Variants in MMP26 observed in about 807,000 individuals in gnomAD.
The protein encoded by MMP26 is matrix metalloproteinase-26.
A neutral mutation model predicts 31.0 loss-of-function variants in MMP26; 33 were observed. The observed-to-expected ratio is 1.06, with a 90% CI of 0.81 to 1.42. The LOEUF is 1.42. Ranked by LOEUF, MMP26 falls within the 40% of genes most tolerant of loss-of-function variation. The probability of loss-of-function intolerance (pLI) is 0.00; values close to 1 mark genes in which losing one functional copy is unlikely to be tolerated. For missense variants in MMP26, 347 were observed against 316.1 expected (o/e 1.10, Z -0.74); for synonymous variants, 122 against 114.9 (o/e 1.06, Z -0.40).
At chr11:4,860,315 G>C (rs1441210334) in intron 2 of MMP26, 5 of 471,382 alleles carry the variant, frequency 1.1e-5, no homozygotes, top group South Asian at 7.7e-5. Context: ...TAGATGCTGA[G>C]CATGGAGGGC....
chr11:4,786,561 G>C (rs1312169697), intron 2 of MMP26, among the ~76,000 whole-genome samples: 4 of 134,314 alleles, frequency 3.0e-5, no homozygotes, highest in African/African-American at 8.5e-5. Context: ...GTAGGATTAT[G>C]AGTATGAGAA....
intron 2 of MMP26, chr11:4,914,495 G>T (rs1419244256): frequency 1.0e-5 from 5 of 501,288 alleles, no homozygotes; most frequent in Non-Finnish European, 1.1e-5. Context: ...TAGAATTATT[G>T]CTGTGGCTAT....
Position 4,987,156 on chromosome 11 carries a change from A to G in MMP26, c.-144-912A>G, listed in dbSNP as rs542244643. 3.9e-5 allele frequency among the ~76,000 whole-genome samples: 6 copies of G among 152,032 alleles called. No homozygotes were observed. The South Asian group carries it at 1.0e-3, about 26-fold the overall frequency. On this transcript the variant is annotated intron_variant, in intron 2 of 7. Transcript: ENST00000380390. ...CTCAGCCTCCCAAAGTGCTGGGATTACAGGTGTGAGCCACTGCACCCAGCC... is the reference window on the plus strand; with the variant it reads ...CTCAGCCTCCCAAAGTGCTGGGATTGCAGGTGTGAGCCACTGCACCCAGCC...
chr11:4,850,010 T>C (rs1039161375), intron 2 of MMP26, among the ~76,000 whole-genome samples: 1 of 152,206 alleles, frequency 6.6e-6, no homozygotes, highest in African/African-American at 2.4e-5. Context: ...TTCTGTCTAC[T>C]AGCTATTTTG....
chr11:4,718,585 C>T (rs184881005), intron 1 of MMP26: 10 of 154,048 alleles, frequency 6.5e-5, no homozygotes, highest in Admixed American at 4.6e-4. Context: ...AGACACTCAG[C>T]TTAAGATTCT....
chr11:4,974,261 A>G (rs371822233), intron 2 of MMP26, among the ~76,000 whole-genome samples: 1 of 152,038 alleles, frequency 6.6e-6, no homozygotes, highest in East Asian at 1.9e-4. Flanking sequence ...TCCTGCTTAT[A>G]AATTTGTTTA....
chr11:4,770,893 A>AGCTGTGTCGAATT (rs1373646496), intron 2 of MMP26, among the ~76,000 whole-genome samples: 2 of 152,158 alleles, frequency 1.3e-5, no homozygotes, highest in African/African-American at 4.8e-5. Flanking sequence ...TTACATGAGC[A>AGCTGTGTCGAATT]GCTGTGTCGA....
chr11:4,867,277 A>G (rs1194994462), intron 2 of MMP26, among the ~76,000 whole-genome samples: 1 of 152,170 alleles, frequency 6.6e-6, no homozygotes, highest in Non-Finnish European at 1.5e-5. Context: ...GGCAAAGGAC[A>G]TGAACAGACA....
intron 2 of MMP26, among the ~76,000 whole-genome samples, chr11:4,797,476 G>A (rs991838649): frequency 3.9e-5 from 6 of 152,144 alleles, no homozygotes; most frequent in Non-Finnish European, 5.9e-5. Flanking sequence ...TGCAGAGACT[G>A]TGCACTATGA....
At chr11:4,735,352 C>CTA (rs1350662183) in intron 1 of MMP26, among the ~76,000 whole-genome samples, 2 of 152,030 alleles carry the variant, frequency 1.3e-5, no homozygotes, top group Non-Finnish European at 2.9e-5. Flanking sequence ...GGTTGTATAG[C>CTA]TATATATACA....
At chr11:4,734,472 G>A (rs1564897396) in intron 1 of MMP26, among the ~76,000 whole-genome samples, 3 of 151,864 alleles carry the variant, frequency 2.0e-5, no homozygotes, top group Non-Finnish European at 4.4e-5. Context: ...GTCTTAAAAT[G>A]GAAGTTTAGG....
chr11:4,800,280 T>G (rs972557741), intron 2 of MMP26, among the ~76,000 whole-genome samples: 14 of 152,216 alleles, frequency 9.2e-5, no homozygotes, highest in Middle Eastern at 3.2e-3. Context: ...CAAGCCTCCT[T>G]CATGCTTGCT....
intron 6 of MMP26, 102 bp from the exon 7 acceptor site, chr11:4,991,862 C>T: frequency 8.9e-7 from 1 of 1,125,762 alleles, no homozygotes; most frequent in Non-Finnish European, 1.2e-6. Context: ...TTTGCCCTTT[C>T]CTCGTTTTCT....
At chr11:4,946,403 T>C (rs1846305464) in intron 2 of MMP26, 2 of 1,613,226 alleles carry the variant, frequency 1.2e-6, no homozygotes. Flanking sequence ...AAGCTGCTCC[T>C]TTTTGGATGC....
At chr11:4,964,697 AG>A (rs1846566140) in intron 2 of MMP26, among the ~76,000 whole-genome samples, 1 of 151,984 alleles carries the variant, frequency 6.6e-6, no homozygotes, top group Admixed American at 6.6e-5. Flanking sequence ...GACTGGATAA[AG>A]AAACTGTGGT....
intron 1 of MMP26, among the ~76,000 whole-genome samples, chr11:4,748,146 TC>T (rs1848403465): frequency 6.6e-6 from 1 of 151,784 alleles, no homozygotes; most frequent in Non-Finnish European, 1.5e-5. Context: ...ATACAAAAGA[TC>T]ATCACAAACT....
chr11:4,992,297 C>A lies in MMP26; in HGVS notation c.*55C>A, dbSNP rs1847020850. 1.9e-6 allele frequency: 3 copies of A among 1,550,676 alleles called. No individual in the cohort carries two copies. Among genetic ancestry groups the A allele is most frequent in the Admixed American group, 1.8e-5 (1 of 55,164 alleles). ...CCTTTCAGGGAGTTTATTGGAGGAT[C>A]AAAGAACTGAAAGCACTAGAGCAGC... On this transcript the variant is annotated 3_prime_UTR_variant, in exon 8 of 8. Coordinates refer to ENST00000380390, the MANE Select transcript of MMP26 (RefSeq NM_021801.5).
chr11:4,784,914 T>A (rs1275237179), intron 2 of MMP26, among the ~76,000 whole-genome samples: 1 of 152,204 alleles, frequency 6.6e-6, no homozygotes, highest in Non-Finnish European at 1.5e-5. Context: ...CTATTGTAAA[T>A]GTGTTGCATA....
chr11:4,990,809 A>C, intron 5 of MMP26, 63 bp downstream of exon 5: 1 of 1,479,920 alleles, frequency 6.8e-7, no homozygotes, highest in Non-Finnish European at 9.1e-7. Context: ...AAGGGTTTCC[A>C]TCCTTAAACA....
Sources: gnomAD v4.1 joint callset for allele counts (sites outside exome capture counted in the v4.1 genomes callset) on GRCh38, gnomAD v4.1.1 for gene constraint, MANE v1.5 for transcripts, NCBI Gene and HGNC (gene_info 2026-07-23, HGNC 2026-07-21) for gene names.